FOXP2: variants seen among roughly 807,000 people sequenced by gnomAD.
FOXP2 encodes the protein forkhead box protein P2.
FOXP2 carries 12 observed loss-of-function variants against 115.8 expected under a neutral mutation model. The observed-to-expected ratio is 0.10, with a 90% CI of 0.07 to 0.17. The LOEUF is 0.17. Among genes scored for constraint, FOXP2 ranks in the 10% least tolerant of loss-of-function variants. The pLI, the probability that FOXP2 is intolerant of heterozygous loss-of-function variation, is 1.00. For missense variants in FOXP2, 629 were observed against 843.5 expected (o/e 0.75, Z 3.15); for synonymous variants, 328 against 297.7 (o/e 1.10, Z -1.05).
Position 114,430,786 on chromosome 7 carries a change from A to G in FOXP2, c.168+4107A>G, listed in dbSNP as rs41414845. ...GAAAGAATGTTTCTCTGATGCCAATATTTAATTTTCTCACATAAACTTATA... is the reference window on the plus strand; with the variant it reads ...GAAAGAATGTTTCTCTGATGCCAATGTTTAATTTTCTCACATAAACTTATA... On this transcript the variant is annotated intron_variant, in intron 2 of 16. Transcript: ENST00000350908. Among the ~76,000 whole-genome samples the G allele has an allele frequency of 7.2e-3, 1,093 of 151,994 alleles. 15 individuals carry two copies. The highest frequency in any genetic ancestry group is 0.025 in the African/African-American group (1,035 of 41,524).
intron 8 of FOXP2, among the ~76,000 whole-genome samples, chr7:114,647,442 T>G (rs1805975045): frequency 6.6e-6 from 1 of 151,600 alleles, no homozygotes; most frequent in African/African-American, 2.4e-5. Flanking sequence ...AATTCTTATA[T>G]ACTTTTTAAT....
intron 1 of FOXP2, among the ~76,000 whole-genome samples, chr7:114,145,534 G>A (rs1398404997): frequency 7.4e-6 from 1 of 134,476 alleles, no homozygotes; most frequent in African/African-American, 3.0e-5. Flanking sequence ...TGTTGCCCAA[G>A]CTGGAGTGCA....
chr7:114,467,979 CA>C (rs1478408861), intron 2 of FOXP2, among the ~76,000 whole-genome samples: 2 of 152,152 alleles, frequency 1.3e-5, no homozygotes, highest in Admixed American at 1.3e-4. Flanking sequence ...TCCCCAAAGG[CA>C]TTGTCCTCAG....
chr7:114,553,970 T>C (rs1018409927), intron 3 of FOXP2, among the ~76,000 whole-genome samples: 1 of 152,120 alleles, frequency 6.6e-6, no homozygotes, highest in Non-Finnish European at 1.5e-5. Flanking sequence ...ATTTTTATTG[T>C]GCTTTTAAAT....
At chr7:114,270,206 ATT>A (rs1562846405) in intron 1 of FOXP2, among the ~76,000 whole-genome samples, 1 of 152,116 alleles carries the variant, frequency 6.6e-6, no homozygotes, top group Non-Finnish European at 1.5e-5. Context: ...TTTGCAGTTT[ATT>A]TATCCAATTA....
rs545701864 is a variant in FOXP2, at chr7:114,651,199, T to C, written c.1095-1004T>C. Among the ~76,000 whole-genome samples, 5 of 152,238 alleles carry C rather than the reference T, an allele frequency of 3.3e-5. No homozygotes were observed. The East Asian group carries it at 7.7e-4, about 24-fold the overall frequency. ...ATACTTGAGCCCACTTGGGTAAATATATAAATTCTTATTTAATTTTGTGAA... is the reference window on the plus strand; with the variant it reads ...ATACTTGAGCCCACTTGGGTAAATACATAAATTCTTATTTAATTTTGTGAA... On this transcript the variant is annotated intron_variant, in intron 8 of 16. Coordinates refer to ENST00000350908, the MANE Select transcript of FOXP2 (RefSeq NM_014491.4).
At chr7:114,575,738 A>G (rs1801542028) in intron 3 of FOXP2, among the ~76,000 whole-genome samples, 1 of 151,890 alleles carries the variant, frequency 6.6e-6, no homozygotes, top group Non-Finnish European at 1.5e-5. Flanking sequence ...TACATGCAGC[A>G]ATGTTGAATT....
chr7:114,614,303 T>G (rs1334315540), intron 3 of FOXP2, among the ~76,000 whole-genome samples: 1 of 147,886 alleles, frequency 6.8e-6, no homozygotes. Context: ...ATAAATTAGG[T>G]TGAATAATGT....
intron 2 of FOXP2, among the ~76,000 whole-genome samples, chr7:114,402,915 G>T (rs899460296): frequency 6.6e-6 from 1 of 152,054 alleles, no homozygotes; most frequent in African/African-American, 2.4e-5. Context: ...CCAAAATGCT[G>T]CATTGCAGGC....
intron 3 of FOXP2, among the ~76,000 whole-genome samples, chr7:114,562,112 G>A (rs1800786567): frequency 6.6e-6 from 1 of 152,174 alleles, no homozygotes; most frequent in African/African-American, 2.4e-5. Context: ...TGTATCCCAT[G>A]ATTAAGGATG....
chr7:114,100,729 A>G (rs556558459), intron 1 of FOXP2, among the ~76,000 whole-genome samples: 1 of 152,274 alleles, frequency 6.6e-6, no homozygotes, highest in South Asian at 2.1e-4. Flanking sequence ...GTACTCCTTC[A>G]CTTGTCATTA....
At chr7:114,173,017 T>A (rs1793188286) in intron 1 of FOXP2, among the ~76,000 whole-genome samples, 1 of 152,014 alleles carries the variant, frequency 6.6e-6, no homozygotes. Context: ...AACTTGTCTT[T>A]AATATAGATG....
chr7:114,556,629 T>G (rs1800468015), intron 3 of FOXP2, among the ~76,000 whole-genome samples: 1 of 152,208 alleles, frequency 6.6e-6, no homozygotes, highest in Non-Finnish European at 1.5e-5. Context: ...AAAAATACAT[T>G]CCAATGGAAA....
At chr7:114,302,035 C>T (rs1184430617) in intron 2 of FOXP2, among the ~76,000 whole-genome samples, 2 of 152,008 alleles carry the variant, frequency 1.3e-5, no homozygotes, top group African/African-American at 4.8e-5. Flanking sequence ...GAAGTAAATC[C>T]CTGAGGCTGT....
At chr7:114,406,454 A>G (rs1304610732) in intron 2 of FOXP2, among the ~76,000 whole-genome samples, 1 of 151,944 alleles carries the variant, frequency 6.6e-6, no homozygotes, top group Non-Finnish European at 1.5e-5. Flanking sequence ...AAATGTGATG[A>G]TTTTATTATT....
intron 2 of FOXP2, among the ~76,000 whole-genome samples, chr7:114,319,646 A>G (rs565000544): frequency 4.1e-4 from 63 of 152,154 alleles, no homozygotes; most frequent in Non-Finnish European, 8.5e-4. Flanking sequence ...ACCCACCCCC[A>G]TGAATCAGTC....
chr7:114,629,721 A>C (rs1046815475), intron 4 of FOXP2, 84 bp from the exon 5 acceptor site: 6 of 1,605,432 alleles, frequency 3.7e-6, no homozygotes, highest in Non-Finnish European at 5.1e-6. Flanking sequence ...ATACTCTGCC[A>C]TATGCCAGTC....
chr7:114,495,890 C>T (rs1404998942), intron 2 of FOXP2, among the ~76,000 whole-genome samples: 3 of 152,096 alleles, frequency 2.0e-5, no homozygotes, highest in Admixed American at 6.6e-5. Flanking sequence ...TCTGTATTTA[C>T]TAGATAATAA....
intron 2 of FOXP2, among the ~76,000 whole-genome samples, chr7:114,339,080 A>G (rs1245828610): frequency 6.6e-6 from 1 of 151,122 alleles, no homozygotes; most frequent in Non-Finnish European, 1.5e-5. Flanking sequence ...AAAGTGTACT[A>G]TTGAGACTGA....
Sources: allele counts gnomAD v4.1 joint callset (sites outside exome capture counted in the v4.1 genomes callset), GRCh38; gene constraint gnomAD v4.1.1; transcripts MANE v1.5; gene names NCBI Gene and HGNC (gene_info 2026-07-23, HGNC 2026-07-21).